The following SIX5 variants were observed in gnomAD, a reference collection of about 807,000 sequenced individuals.
SIX5 encodes SIX homeobox 5, also known as homeobox protein SIX5.
SIX5 carries 21 observed loss-of-function variants against 37.1 expected under a neutral mutation model. That is an observed-to-expected ratio of 0.57 (90% confidence interval 0.40 to 0.81). The LOEUF is 0.81. Ranked by LOEUF, SIX5 falls within the 40% of genes least tolerant of loss-of-function variation. SIX5 has a pLI of 0.00. For synonymous variants in SIX5, 626 were observed against 505.9 expected (o/e 1.24, Z -3.19); for missense variants, 1,137 against 1,025.1 (o/e 1.11, Z -1.49).
At position 45,766,641 on chromosome 19, in the gene SIX5, G is replaced by T; in HGVS notation, c.1318C>A (p.Leu440Met). Residue 440 changes from leucine to methionine, a missense_variant, in exon 2 of 3, where the codon CTG becomes ATG. Leu to Met is a conservative substitution (Grantham distance 15, BLOSUM62 2). Transcript: ENST00000317578. ...PGPPTAATFP[L>M]PPGPVPAVAA... ...ACAGCAGGCACTGGCCCCGGGGGCA[G>T]AGGAAAGGTGGCAGCCGTCGGGGGG... is the stretch of plus-strand genomic sequence containing the variant. 1 of 1,477,928 alleles carries T rather than the reference G, an allele frequency of 6.8e-7. No homozygotes were observed. 91.6% of individuals were successfully genotyped at this position (1,477,928 alleles called of 1,614,324 possible).
chr19:45,768,693 C>CCGGCCG lies in SIX5; in HGVS notation c.146_151dup (p.Ala49_Ala50dup). On this transcript the variant is annotated inframe_insertion, in exon 1 of 3. Transcript: ENST00000317578. ...CGCAGCCGCTGCGCCCGCCCCGGCCCCGGCCGCCGCCGCCGCCTCACCCTC... is the reference window on the plus strand; with the variant it reads ...CGCAGCCGCTGCGCCCGCCCCGGCCCCGGCCGCGGCCGCCGCCGCCGCCTCACCCTC... 1 of 1,346,824 alleles carries CCGGCCG rather than the reference C, an allele frequency of 7.4e-7. No homozygotes were observed. The highest frequency in any genetic ancestry group is 9.5e-7 in the Non-Finnish European group (1 of 1,057,064). The allele number at this position is 1,346,824 out of a possible 1,614,324, so 83.4% of individuals were successfully genotyped here.
rs1447713347 is a variant in SIX5 at position 45,765,341 on chromosome 19, GA to G, written c.*159del. The G allele has an allele frequency of 2.6e-5, 26 of 1,011,158 alleles. No individual in the cohort carries two copies. Among genetic ancestry groups the G allele is most frequent in the Non-Finnish European group, 3.8e-5 (25 of 651,574 alleles). 62.6% of individuals were successfully genotyped at this position (1,011,158 alleles called of 1,614,324 possible). A position where few individuals can be genotyped will look rare whatever the true frequency, so the allele number is the denominator to read the frequency against. On this transcript the variant is annotated 3_prime_UTR_variant, in exon 3 of 3. Coordinates refer to ENST00000317578, the MANE Select transcript of SIX5 (RefSeq NM_175875.5). ...GAGACCTGGACAGGAGGTGGCCGGG[GA>G]TACAACCCCCAGCACCACCAGGGCT...
chr19:45,765,900 A>G lies in SIX5; in HGVS notation c.1821T>C (p.Ala607=). ...EGGLPVAPSP[A]LPEAHALGTL... Reference sequence around the variant, plus strand: ...TGCCTAGGGCGTGAGCCTCTGGGAGAGCAGGGCTGGGGGCCACCGGGAGGC... The same window carrying G: ...TGCCTAGGGCGTGAGCCTCTGGGAGGGCAGGGCTGGGGGCCACCGGGAGGC... Residue 607 remains alanine (A), a synonymous_variant, in exon 3 of 3, where the codon GCT becomes GCC. Coordinates refer to ENST00000317578, the MANE Select transcript of SIX5 (RefSeq NM_175875.5). 1 of 1,590,940 alleles carries G rather than the reference A, an allele frequency of 6.3e-7. No individual in the cohort carries two copies. The highest frequency in any genetic ancestry group is 8.5e-7 in the Non-Finnish European group (1 of 1,170,282).
At position 45,766,511 on chromosome 19, in the gene SIX5, T is replaced by G. The variant is rs1018201078; in HGVS notation, c.1448A>C (p.Gln483Pro). 6 of 1,507,076 alleles carry G rather than the reference T, an allele frequency of 4.0e-6. No homozygotes were observed. The African/African-American group carries it at 8.3e-5, about 21-fold the overall frequency. The allele number at this position is 1,507,076 out of a possible 1,614,324, so 93.4% of individuals were successfully genotyped here. Residue 483 changes from glutamine (Q) to proline (P), a missense_variant, in exon 2 of 3, where the codon CAG (glutamine) becomes CCG (proline). Physicochemically the swap from Gln to Pro is moderately conservative, Grantham distance 76 (BLOSUM62 -1). Around this residue, in one of 3 missense-constraint regions of SIX5, gnomAD observed 787 missense variants for 621.4 expected, o/e 1.27. Coordinates refer to ENST00000317578, the MANE Select transcript of SIX5 (RefSeq NM_175875.5). ...LNLPQVVPTS[Q>P]VVTLPQAVGP... ...CACAGCCTGGGGCAGGGTCACCACC[T>G]GTGAGGTGGGTACTACCTGGGGCAG... is the stretch of plus-strand genomic sequence containing the variant.
Position 45,766,117 on chromosome 19 carries a change from G to A in SIX5, c.1610-6C>T. On this transcript the variant is annotated splice_region_variant and splice_polypyrimidine_tract_variant and intron_variant, in intron 2 of 2. Coordinates refer to ENST00000317578, the MANE Select transcript of SIX5 (RefSeq NM_175875.5). Reference sequence around the variant, plus strand: ...GTTGGCCAGGAGGAAGTTTCCTGTGGGGAGAGAGGGACCGAGCGCAGGTGA... The same window carrying A: ...GTTGGCCAGGAGGAAGTTTCCTGTGAGGAGAGAGGGACCGAGCGCAGGTGA... 5 of 1,610,320 alleles carry A rather than the reference G, an allele frequency of 3.1e-6. No individual in the cohort carries two copies. Among genetic ancestry groups the A allele is most frequent in the Non-Finnish European group, 4.2e-6 (5 of 1,178,554 alleles).
chr19:45,766,294 A>C (rs1173572217), intron 2 of SIX5, 56 bp downstream of exon 2: 3 of 1,519,254 alleles, frequency 2.0e-6, no homozygotes, highest in African/African-American at 2.8e-5. Context: ...CCTCTCCGAG[A>C]TGACTGCACC....
In SIX5 at chr19:45,765,255, T is replaced by C; in HGVS notation, c.*246A>G. ...GTCAGGACCCTGAGTCCCCCACGTA[T>C]ATGGCAGGGCACAGCATGGGGAGGG... is the stretch of plus-strand genomic sequence containing the variant. On this transcript the variant is annotated 3_prime_UTR_variant, in exon 3 of 3. Transcript: ENST00000317578. 1 of 598,416 alleles carries C rather than the reference T, an allele frequency of 1.7e-6. No homozygotes were observed. Among genetic ancestry groups the C allele is most frequent in the South Asian group, 1.9e-5 (1 of 53,822 alleles). The allele number at this position is 598,416 out of a possible 1,614,324, so 37.1% of individuals were successfully genotyped here.
Position 45,765,717 on chromosome 19 carries a change from C to T in SIX5, c.2004G>A (p.Gly668=). The T allele has an allele frequency of 6.2e-7, 1 of 1,612,848 alleles. No individual in the cohort carries two copies. ...SPAAVPVWSA[G]LELSAGTEGL... ...CCTCTGTTCCTGCGCTTAGTTCCAG[C>T]CCTGCTGACCAGACAGGCACGGCCG... Residue 668 remains glycine, a synonymous_variant, in exon 3 of 3, where the codon GGG becomes GGA. Coordinates refer to ENST00000317578, the MANE Select transcript of SIX5 (RefSeq NM_175875.5).
Position 45,767,135 on chromosome 19 carries a change from G to A in SIX5, c.824C>T (p.Thr275Met). 4 of 1,612,190 alleles carry A rather than the reference G, an allele frequency of 2.5e-6. No homozygotes were observed. The highest frequency in any genetic ancestry group is 3.4e-6 in the Non-Finnish European group (4 of 1,179,930). ...PCKSESDGNP[T>M]TEDESSRSPE... is the part of the protein sequence containing the mutation. ...ACTTCGGCTGGACTCGTCCTCAGTC[G>A]TGGGATTCCCATCAGACTCGCTGGC... Residue 275 changes from threonine (T) to methionine (M), a missense_variant, in exon 2 of 3, where the codon ACG (threonine) becomes ATG (methionine). Transcript: ENST00000317578.
rs558317052 is a variant in SIX5 at position 45,765,289 on chromosome 19, G to A, written c.*212C>T. 2.3e-5 allele frequency: 16 copies of A among 696,476 alleles called. No individual in the cohort carries two copies. The South Asian group carries it at 2.4e-4, about 11-fold the overall frequency. The allele number at this position is 696,476 out of a possible 1,614,324, so 43.1% of individuals were successfully genotyped here. On this transcript the variant is annotated 3_prime_UTR_variant, in exon 3 of 3. Coordinates refer to ENST00000317578, the MANE Select transcript of SIX5 (RefSeq NM_175875.5). ...GCACAGCATGGGGAGGGCTGTAACA[G>A]AGAGGCCTCCCATCCAAAGGGGGAT...
At chr19:45,766,299 T>C (rs1477824228) in intron 2 of SIX5, 51 bp downstream of exon 2, 3 of 1,522,546 alleles carry the variant, frequency 2.0e-6, no homozygotes, top group Admixed American at 2.0e-5. Context: ...CCGAGATGAC[T>C]GCACCCCTCC....
In SIX5 at chr19:45,766,620, C is replaced by G; in HGVS notation, c.1339G>C (p.Ala447Pro). ...GGTACCACTTGTGGGGCAGCCACAG[C>G]AGGCACTGGCCCCGGGGGCAGAGGA... ...TFPLPPGPVP[A>P]VAAPQVVPLS... Residue 447 changes from alanine to proline, a missense_variant, in exon 2 of 3, where the codon GCT becomes CCT. Ala to Pro is a conservative substitution (Grantham distance 27). Coordinates refer to ENST00000317578, the MANE Select transcript of SIX5 (RefSeq NM_175875.5). The G allele has an allele frequency of 6.8e-7, 1 of 1,471,194 alleles. No individual in the cohort carries two copies. The highest frequency in any genetic ancestry group is 9.0e-7 in the Non-Finnish European group (1 of 1,108,382). The allele number at this position is 1,471,194 out of a possible 1,614,324, so 91.1% of individuals were successfully genotyped here. A position where few individuals can be genotyped will look rare whatever the true frequency, so the allele number is the denominator to read the frequency against.
In SIX5 at chr19:45,768,987, G is replaced by A; in HGVS notation, c.-143C>T. On this transcript the variant is annotated 5_prime_UTR_variant, in exon 1 of 3. Coordinates refer to ENST00000317578, the MANE Select transcript of SIX5 (RefSeq NM_175875.5). ...TCTGGCCGACCCTGCGCCCCACGCCGGGAAGGCGAGATCCAGCTCTCCACT... is the reference window on the plus strand; with the variant it reads ...TCTGGCCGACCCTGCGCCCCACGCCAGGAAGGCGAGATCCAGCTCTCCACT... 1.3e-6 allele frequency: 1 copy of A among 762,122 alleles called. No individual in the cohort carries two copies. The highest frequency in any genetic ancestry group is 1.8e-5 in the South Asian group (1 of 55,174). The allele number at this position is 762,122 out of a possible 1,614,324, so 47.2% of individuals were successfully genotyped here.
In SIX5 at chr19:45,766,191, G is replaced by C; in HGVS notation, c.1610-80C>G. 3.2e-6 allele frequency: 5 copies of C among 1,541,202 alleles called. No homozygotes were observed. The South Asian group carries it at 6.1e-5, about 19-fold the overall frequency. On this transcript the variant is annotated intron_variant, in intron 2 of 2. Transcript: ENST00000317578. Reference sequence around the variant, plus strand: ...AGAGAGAAGTGGAGACTGTGCAGCTGGAGGGCGGGCGGAGGGAGCCTTGTG... The same window carrying C: ...AGAGAGAAGTGGAGACTGTGCAGCTCGAGGGCGGGCGGAGGGAGCCTTGTG...
chr19:45,766,292 A>G, intron 2 of SIX5, 58 bp downstream of exon 2: 1 of 1,518,098 alleles, frequency 6.6e-7, no homozygotes. Context: ...TCCCTCTCCG[A>G]GATGACTGCA....
rs971678245 is a variant in SIX5 at position 45,767,086 on chromosome 19, C to T, written c.873G>A (p.Ala291=). 4 of 1,609,858 alleles carry T rather than the reference C, an allele frequency of 2.5e-6. No individual in the cohort carries two copies. The highest frequency in any genetic ancestry group is 1.1e-5 in the South Asian group (1 of 91,050). The change falls in exon 2 of 3, where the codon GCG becomes GCA. Residue 291 remains alanine (A), a synonymous_variant. Coordinates refer to ENST00000317578, the MANE Select transcript of SIX5 (RefSeq NM_175875.5). The part of the protein sequence containing the change: ...SRSPEDLERG[A]APVSAEAAAQ... ...CAGCGGCCTCGGCGGACACTGGGGCCGCCCCTCTCTCCAGGTCCTCAGGAC... is the reference window on the plus strand; with the variant it reads ...CAGCGGCCTCGGCGGACACTGGGGCTGCCCCTCTCTCCAGGTCCTCAGGAC...
rs764032077 is a variant in SIX5, at chr19:45,766,850, G to A, written c.1109C>T (p.Pro370Leu). ...GCTGGCCCCCTGAGGGCTGGGCTGC[G>A]GTGGAGGGGCACCCCCGCCCCCAGT... ...LLTGGGGAPP[P>L]QPSPQGASET... The change falls in exon 2 of 3, where the codon CCG becomes CTG. Residue 370 changes from proline (P) to leucine (L), a missense_variant. By Grantham distance (98) the Pro-to-Leu change is moderately conservative. This residue lies in a region of SIX5 where 787 missense variants were observed against 621.4 expected (regional missense o/e 1.27). Transcript: ENST00000317578. 2 of 1,542,530 alleles carry A rather than the reference G, an allele frequency of 1.3e-6. No individual in the cohort carries two copies. Among genetic ancestry groups the A allele is most frequent in the Non-Finnish European group, 1.7e-6 (2 of 1,146,448 alleles).
rs1969173671 is a variant in SIX5 at position 45,769,219 on chromosome 19, G to A, written c.-375C>T. Reference sequence around the variant, plus strand: ...CGCGAAGCCTCCGCCCCGAGACTGAGCTTCTGCACGCCTCCGTCTCCAGGG... The same window carrying A: ...CGCGAAGCCTCCGCCCCGAGACTGAACTTCTGCACGCCTCCGTCTCCAGGG... On this transcript the variant is annotated 5_prime_UTR_variant, in exon 1 of 3. Transcript: ENST00000317578. 1 of 213,418 alleles carries A rather than the reference G, an allele frequency of 4.7e-6. No homozygotes were observed. Among genetic ancestry groups the A allele is most frequent in the South Asian group, 1.2e-4 (1 of 8,126 alleles). The allele number at this position is 213,418 out of a possible 1,614,324, so 13.2% of individuals were successfully genotyped here.
rs945556774 is a variant in SIX5 at position 45,765,415 on chromosome 19, A to G, written c.*86T>C. 13 of 1,594,928 alleles carry G rather than the reference A, an allele frequency of 8.2e-6. No individual in the cohort carries two copies. Among genetic ancestry groups the G allele is most frequent in the African/African-American group, 1.3e-5 (1 of 74,508 alleles). ...GGATGTGGTGACTGGGGTCTTCAGC[A>G]ACCGCATTTCTGGGGCTCCCCCCTC... On this transcript the variant is annotated 3_prime_UTR_variant, in exon 3 of 3. Coordinates refer to ENST00000317578, the MANE Select transcript of SIX5 (RefSeq NM_175875.5).
Sources: gnomAD v4.1 joint callset for allele counts on GRCh38, gnomAD v4.1.1 for gene constraint, gnomAD v4.1.1 regional missense constraint, MANE v1.5 for transcripts, NCBI Gene and HGNC (gene_info 2026-07-23, HGNC 2026-07-21) for gene names.